The following CAMK1D variants were observed in gnomAD, a reference collection of about 807,000 sequenced individuals.
CAMK1D encodes the protein calcium/calmodulin dependent protein kinase ID.
In CAMK1D, 9 loss-of-function variants were observed where a neutral mutation model predicts 47.7. That is an observed-to-expected ratio of 0.19 (90% CI 0.11 to 0.33). The LOEUF (loss-of-function observed/expected upper bound fraction) is 0.33, where lower values mean the gene tolerates loss of function less well. Among genes scored for constraint, CAMK1D ranks in the 10% least tolerant of loss-of-function variants. CAMK1D has a pLI of 1.00. For synonymous variants in CAMK1D, 184 were observed against 184.9 expected (o/e 0.99, Z 0.04); for missense variants, 291 against 488.7 (o/e 0.60, Z 3.81).
chr10:12,450,751 G>T (rs1833059921), intron 1 of CAMK1D, among the ~76,000 whole-genome samples: 1 of 152,192 alleles, frequency 6.6e-6, no homozygotes, highest in Non-Finnish European at 1.5e-5. Context: ...TTTGCATTTA[G>T]TTTTGTTTTG....
intron 3 of CAMK1D, among the ~76,000 whole-genome samples, chr10:12,745,689 G>A (rs919155535): frequency 4.0e-5 from 6 of 150,312 alleles, no homozygotes; most frequent in South Asian, 4.2e-4. Flanking sequence ...CACAACCTCC[G>A]CCTCCTGGGT....
intron 2 of CAMK1D, among the ~76,000 whole-genome samples, chr10:12,633,653 C>A (rs1038073749): frequency 2.0e-5 from 3 of 152,058 alleles, no homozygotes; most frequent in African/African-American, 2.4e-5. Context: ...ACCTCCTGGG[C>A]TCAAGCGATC....
chr10:12,808,516 G>A (rs1832459869), intron 6 of CAMK1D, among the ~76,000 whole-genome samples: 1 of 152,216 alleles, frequency 6.6e-6, no homozygotes, highest in Non-Finnish European at 1.5e-5. Flanking sequence ...GCTGAGCACA[G>A]TGGCTCACAG....
chr10:12,505,361 A>G (rs1834837911), intron 1 of CAMK1D, among the ~76,000 whole-genome samples: 1 of 146,962 alleles, frequency 6.8e-6, no homozygotes, highest in Admixed American at 6.7e-5. Context: ...TGCAAAACTC[A>G]GTGTTGGATA....
intron 2 of CAMK1D, among the ~76,000 whole-genome samples, chr10:12,581,262 C>G (rs1286110081): frequency 6.6e-6 from 1 of 152,088 alleles, no homozygotes; most frequent in South Asian, 2.1e-4. Context: ...TATATATATA[C>G]CACGATTTCC....
In CAMK1D at chr10:12,757,865, T is replaced by TG. The variant is rs1407000651; in HGVS notation, c.300-3083_300-3082insG. On this transcript the variant is annotated intron_variant, in intron 3 of 10. Transcript: ENST00000619168. ...GGGGGCCCTGCTCTTTTTTTTTTTT[T>TG]TTTTTTTTTTGAGATGGAGTCTTGC... Among the ~76,000 whole-genome samples the TG allele has an allele frequency of 4.0e-5, 6 of 148,480 alleles. No homozygotes were observed. In the South Asian group the frequency reaches 6.6e-4, roughly 16 times the overall value.
intron 8 of CAMK1D, among the ~76,000 whole-genome samples, chr10:12,821,675 T>C (rs1234900027): frequency 6.6e-6 from 1 of 152,210 alleles, no homozygotes; most frequent in Non-Finnish European, 1.5e-5. Context: ...TTCTTGTAGG[T>C]ATTAAAACCA....
At chr10:12,792,451 C>T (rs1209425012) in intron 6 of CAMK1D, among the ~76,000 whole-genome samples, 1 of 152,200 alleles carries the variant, frequency 6.6e-6, no homozygotes, top group East Asian at 1.9e-4. Context: ...CCCATTTCAT[C>T]ACCCCCAAGG....
intron 3 of CAMK1D, among the ~76,000 whole-genome samples, chr10:12,752,780 A>C (rs934264490): frequency 3.9e-5 from 6 of 152,158 alleles, no homozygotes; most frequent in African/African-American, 1.4e-4. Flanking sequence ...CCCAAGAGAG[A>C]CCAGGACGTG....
At chr10:12,764,381 C>CAAAAAAAAAAAAAAAAAAAAAAAAAAAAA (rs56657709) in intron 4 of CAMK1D, among the ~76,000 whole-genome samples, 1 of 77,984 alleles carries the variant, frequency 1.3e-5, no homozygotes, top group African/African-American at 4.9e-5. Flanking sequence ...CACTTTGTCT[C>CAAAAAAAAAAAAAAAAAAAAAAAAAAAAA]AAAAAAAAAA....
At chr10:12,641,040 C>T (rs1157152052) in intron 2 of CAMK1D, among the ~76,000 whole-genome samples, 2 of 152,066 alleles carry the variant, frequency 1.3e-5, no homozygotes, top group Non-Finnish European at 2.9e-5. Context: ...CTCACTGCAA[C>T]CTCAACCTCC....
At chr10:12,372,623 T>G (rs923863073) in intron 1 of CAMK1D, among the ~76,000 whole-genome samples, 4 of 152,178 alleles carry the variant, frequency 2.6e-5, no homozygotes, top group Non-Finnish European at 5.9e-5. Context: ...TAATTTTTAT[T>G]TTATTAATTA....
At chr10:12,776,512 T>TG (rs1466292444) in intron 5 of CAMK1D, among the ~76,000 whole-genome samples, 1 of 152,234 alleles carries the variant, frequency 6.6e-6, no homozygotes, top group African/African-American at 2.4e-5. Flanking sequence ...ACTGAACCAT[T>TG]GCTCCTAAGG....
chr10:12,444,610 A>G (rs1832877311), intron 1 of CAMK1D, among the ~76,000 whole-genome samples: 1 of 152,244 alleles, frequency 6.6e-6, no homozygotes, highest in African/African-American at 2.4e-5. Flanking sequence ...GGTTTGGTCT[A>G]GAAAGCCAGA....
intron 2 of CAMK1D, among the ~76,000 whole-genome samples, chr10:12,613,879 T>C (rs775166956): frequency 2.7e-4 from 41 of 152,254 alleles, no homozygotes; most frequent in Non-Finnish European, 4.3e-4. Context: ...ATCCCGATTG[T>C]ACAGGGAAGA....
chr10:12,469,518 A>T (rs1236632170), intron 1 of CAMK1D, among the ~76,000 whole-genome samples: 1 of 152,172 alleles, frequency 6.6e-6, no homozygotes. Flanking sequence ...GCTCTGCTAC[A>T]GTCATGGCAA....
intron 2 of CAMK1D, among the ~76,000 whole-genome samples, chr10:12,589,171 C>T (rs891531258): frequency 6.6e-6 from 1 of 152,036 alleles, no homozygotes; most frequent in Non-Finnish European, 1.5e-5. Context: ...GCACAATGCC[C>T]GGATAACATT....
chr10:12,774,190 C>G (rs1201468288), intron 5 of CAMK1D, among the ~76,000 whole-genome samples: 1 of 152,066 alleles, frequency 6.6e-6, no homozygotes, highest in East Asian at 1.9e-4. Flanking sequence ...TAGCTAAGTT[C>G]ATTCGTGTGT....
intron 3 of CAMK1D, among the ~76,000 whole-genome samples, chr10:12,671,252 G>A (rs1392508702): frequency 1.3e-5 from 2 of 152,048 alleles, no homozygotes; most frequent in African/African-American, 4.8e-5. Context: ...GAATAATGAT[G>A]CAGGCATTTT....
Sources: gnomAD v4.1 joint callset for allele counts (sites outside exome capture counted in the v4.1 genomes callset) on GRCh38, gnomAD v4.1.1 for gene constraint, MANE v1.5 for transcripts, NCBI Gene and HGNC (gene_info 2026-07-23, HGNC 2026-07-21) for gene names.